Variants in ERBIN observed in about 807,000 individuals in gnomAD.
ERBIN encodes the protein densin-180-like protein.
Under a neutral mutation model 158.4 loss-of-function variants are expected in ERBIN, and 60 were observed. The observed-to-expected ratio is 0.38, with a 90% CI of 0.31 to 0.47. The LOEUF (loss-of-function observed/expected upper bound fraction) is 0.47, where lower values mean the gene tolerates loss of function less well. ERBIN is among the 20% of genes least tolerant of loss of function. The probability of loss-of-function intolerance (pLI) is 0.99; values close to 1 mark genes in which losing one functional copy is unlikely to be tolerated. For synonymous variants in ERBIN, 594 were observed against 557.2 expected (o/e 1.07, Z -0.93); for missense variants, 1,610 against 1,648.0 (o/e 0.98, Z 0.40).
chr5:65,992,158 T>TTTTG (rs942639477), intron 2 of ERBIN, among the ~76,000 whole-genome samples: 1 of 152,126 alleles, frequency 6.6e-6, no homozygotes. Context: ...GCACAGTTTT[T>TTTTG]TTTGTTTGTT....
chr5:66,062,052 G>A (rs1346491584), intron 21 of ERBIN, among the ~76,000 whole-genome samples: 2 of 152,216 alleles, frequency 1.3e-5, no homozygotes, highest in Non-Finnish European at 2.9e-5. Flanking sequence ...GAGTATCTTT[G>A]TGGCGTTCTC....
At chr5:66,019,667 CTG>C (rs1473623902) in intron 7 of ERBIN, among the ~76,000 whole-genome samples, 1 of 152,084 alleles carries the variant, frequency 6.6e-6, no homozygotes, top group East Asian at 1.9e-4. Flanking sequence ...TATTACATAT[CTG>C]TATCACTCAC....
Position 65,994,879 on chromosome 5 carries a change from GC to G in ERBIN, c.307+18del. On this transcript the variant is annotated intron_variant, in intron 4 of 25. Transcript: ENST00000284037. ...CAGCAAGAATGGTAAGGCTTTTTTT[GC>G]CCATAATTTTTTGTACTTGGGAACA... 6.6e-7 allele frequency: 1 copy of G among 1,519,678 alleles called. No homozygotes were observed. Among genetic ancestry groups the G allele is most frequent in the Non-Finnish European group, 9.0e-7 (1 of 1,111,714 alleles). The allele number at this position is 1,519,678 out of a possible 1,614,324, so 94.1% of individuals were successfully genotyped here.
intron 17 of ERBIN, among the ~76,000 whole-genome samples, 172 bp downstream of exon 17, chr5:66,044,482 G>T (rs1758218347): frequency 6.6e-6 from 1 of 152,068 alleles, no homozygotes; most frequent in Non-Finnish European, 1.5e-5. Flanking sequence ...AGAGTATAAG[G>T]GGCTGGGCGT....
rs763437507 is a variant in ERBIN at position 66,054,739 on chromosome 5, A to G, written c.3421A>G (p.Arg1141Gly). The change falls in exon 21 of 26, where the codon AGA (arginine) becomes GGA (glycine). Residue 1141 changes from arginine (R) to glycine (G), a missense_variant. Transcript: ENST00000284037. ...CAGCATAGATGGTCCAAATGCATCA[A>G]GACCTCAGAGTGCTCGACCCTCTAT... ...TYSIDGPNASRPQSARPSINE... is the reference protein window; with the variant it reads ...TYSIDGPNASGPQSARPSINE... 7.4e-6 allele frequency: 12 copies of G among 1,614,154 alleles called. No homozygotes were observed. The Admixed American group carries it at 1.3e-4, about 18-fold the overall frequency.
chr5:66,058,474 G>A (rs560970736), intron 21 of ERBIN, among the ~76,000 whole-genome samples: 7,582 of 146,594 alleles, frequency 0.052, 664 homozygotes, highest in African/African-American at 0.18. Context: ...ATTTTCTCCC[G>A]TTCTGTAGGT....
chr5:65,958,064 C>A lies in ERBIN; in HGVS notation c.-57-30571C>A, dbSNP rs544968302. 1.1e-3 allele frequency among the ~76,000 whole-genome samples: 159 copies of A among 150,928 alleles called. 2 individuals carry two copies. The highest frequency in any genetic ancestry group is 3.8e-3 in the African/African-American group (155 of 40,856). On this transcript the variant is annotated intron_variant, in intron 1 of 25. Coordinates refer to ENST00000284037, the MANE Select transcript of ERBIN (RefSeq NM_001253697.2). ...CGCTCCCCACATCTCAGACGATGGG[C>A]GGCAGGGCAGAGACGCTCCTTACTT...
At chr5:66,061,137 C>T (rs1315296016) in intron 21 of ERBIN, among the ~76,000 whole-genome samples, 1 of 152,096 alleles carries the variant, frequency 6.6e-6, no homozygotes, top group Non-Finnish European at 1.5e-5. Flanking sequence ...CTAATGTTGA[C>T]AGTGGGGTGT....
chr5:66,009,957 G>A (rs937387162), intron 4 of ERBIN, among the ~76,000 whole-genome samples: 4 of 152,116 alleles, frequency 2.6e-5, no homozygotes, highest in African/African-American at 9.7e-5. Context: ...TTAGTAGTCC[G>A]AAAAAGTGCC....
intron 1 of ERBIN, among the ~76,000 whole-genome samples, chr5:65,929,477 G>A (rs1743086509): frequency 6.6e-6 from 1 of 152,062 alleles, no homozygotes; most frequent in South Asian, 2.1e-4. Context: ...CGTAATTGCT[G>A]CTTATCCAGA....
intron 1 of ERBIN, among the ~76,000 whole-genome samples, chr5:65,945,466 G>T (rs1745628092): frequency 6.6e-6 from 1 of 152,146 alleles, no homozygotes; most frequent in Admixed American, 6.5e-5. Context: ...GTTCATCCAG[G>T]ATGAGCCTGA....
intron 1 of ERBIN, among the ~76,000 whole-genome samples, chr5:65,969,732 A>G (rs1455544763): frequency 6.6e-6 from 1 of 152,164 alleles, no homozygotes; most frequent in Non-Finnish European, 1.5e-5. Context: ...GTGTCACTCT[A>G]AAACTCACCC....
At chr5:65,943,727 A>G (rs1745365200) in intron 1 of ERBIN, among the ~76,000 whole-genome samples, 1 of 152,188 alleles carries the variant, frequency 6.6e-6, no homozygotes, top group Admixed American at 6.5e-5. Context: ...TATCTTAACC[A>G]TTTTTAAATG....
chr5:65,953,607 A>T (rs766717519), intron 1 of ERBIN, among the ~76,000 whole-genome samples: 8 of 152,066 alleles, frequency 5.3e-5, no homozygotes, highest in African/African-American at 9.7e-5. Flanking sequence ...ATTATGCTTT[A>T]AAAAAAATGT....
intron 1 of ERBIN, among the ~76,000 whole-genome samples, chr5:65,955,252 GT>G (rs1653634965): frequency 6.6e-6 from 1 of 152,154 alleles, no homozygotes; most frequent in Non-Finnish European, 1.5e-5. Context: ...TGTCTACAAA[GT>G]ATGTGCTGAA....
Position 66,072,242 on chromosome 5 carries a change from C to G in ERBIN, c.3707C>G (p.Ser1236Ter), listed in dbSNP as rs1471706849. 1.1e-5 allele frequency: 17 copies of G among 1,550,306 alleles called. No individual in the cohort carries two copies. Among genetic ancestry groups the G allele is most frequent in the Non-Finnish European group, 1.5e-5 (17 of 1,146,928 alleles). The change falls in exon 22 of 26, where the codon TCA becomes TGA. Residue 1236 changes from serine (S) to a stop codon, truncating the protein, a stop_gained. Coordinates refer to ENST00000284037, the MANE Select transcript of ERBIN (RefSeq NM_001253697.2). LOFTEE classifies it high-confidence loss of function. Reference protein sequence around the residue: ...GIFISGQQNYSSATLSHKDVP... With the variant: ...GIFISGQQNY ...TTCATTTCAGGACAGCAGAACTACT[C>G]ATCAGCCACACTTAGTCACAAAGAT...
intron 21 of ERBIN, among the ~76,000 whole-genome samples, chr5:66,057,156 T>G (rs947012017): frequency 6.6e-6 from 1 of 152,214 alleles, no homozygotes; most frequent in South Asian, 2.1e-4. Flanking sequence ...AATTTTAGTC[T>G]TAACAGTTCC....
chr5:65,944,937 CTT>C (rs1321782473), intron 1 of ERBIN, among the ~76,000 whole-genome samples: 1 of 151,960 alleles, frequency 6.6e-6, no homozygotes, highest in Non-Finnish European at 1.5e-5. Flanking sequence ...TTTTTACTCT[CTT>C]GATAGTCTTT....
chr5:66,002,842 T>A (rs1190947981), intron 4 of ERBIN, among the ~76,000 whole-genome samples: 1 of 152,206 alleles, frequency 6.6e-6, no homozygotes, highest in Non-Finnish European at 1.5e-5. Context: ...AAATTGCCAT[T>A]TTGCTTTGTA....
Sources: gnomAD v4.1 joint callset for allele counts (sites outside exome capture counted in the v4.1 genomes callset) on GRCh38, gnomAD v4.1.1 for gene constraint, MANE v1.5 for transcripts, NCBI Gene and HGNC (gene_info 2026-07-23, HGNC 2026-07-21) for gene names.